CLCA1: variants seen among roughly 807,000 people sequenced by gnomAD.
The protein encoded by CLCA1 is calcium-activated chloride channel regulator 1.
Under a neutral mutation model 85.6 loss-of-function variants are expected in CLCA1, and 59 were observed. That is an observed-to-expected ratio of 0.69 (90% CI 0.56 to 0.86). The LOEUF (loss-of-function observed/expected upper bound fraction) is 0.86, where lower values mean the gene tolerates loss of function less well. Among genes scored for constraint, CLCA1 ranks in the 40% least tolerant of loss-of-function variants. The probability of loss-of-function intolerance (pLI) is 0.00; values close to 1 mark genes in which losing one functional copy is unlikely to be tolerated. For synonymous variants in CLCA1, 396 were observed against 398.3 expected, an observed-to-expected ratio of 0.99 and a Z score of 0.07; for missense variants, 1,022 against 1,101.4, an observed-to-expected ratio of 0.93 and a Z score of 1.02.
chr1:86,490,003 G>T (rs1648093303), intron 8 of CLCA1, among the ~76,000 whole-genome samples: 1 of 152,202 alleles, frequency 6.6e-6, no homozygotes, highest in Non-Finnish European at 1.5e-5. Context: ...GATAGGGCCA[G>T]GGAAGGAGCT....
At chr1:86,486,017 GGAGAGA>G (rs35497869) in intron 6 of CLCA1, among the ~76,000 whole-genome samples, 7 of 147,390 alleles carry the variant, frequency 4.7e-5, no homozygotes, top group Non-Finnish European at 7.5e-5. Context: ...CATGGCAGCA[GGAGAGA>G]GAGAGAGAGA....
rs945713266 is a variant in CLCA1 at position 86,473,747 on chromosome 1, G to A, written c.322G>A (p.Glu108Lys). 2 of 1,579,022 alleles carry A rather than the reference G, an allele frequency of 1.3e-6. No individual in the cohort carries two copies. Among genetic ancestry groups the A allele is most frequent in the Middle Eastern group, 1.7e-4 (1 of 5,916 alleles). Residue 108 changes from glutamate (E) to lysine (K), a missense_variant, in exon 3 of 14, where the codon GAG becomes AAG. Coordinates refer to ENST00000394711, the MANE Select transcript of CLCA1 (RefSeq NM_001285.4). ...ATTTCAGGCTGATGTTCTGGTTGCT[G>A]AGTCTACTCCTCCAGGTAATGATGA... ...TYKNADVLVA[E>K]STPPGNDEPY...
chr1:86,486,142 A>G (rs749229344), intron 6 of CLCA1, among the ~76,000 whole-genome samples: 1 of 152,100 alleles, frequency 6.6e-6, no homozygotes, highest in Non-Finnish European at 1.5e-5. Flanking sequence ...AACCACCTCC[A>G]TGTTCCTCCC....
chr1:86,478,187 G>T (rs1489135445), intron 4 of CLCA1, among the ~76,000 whole-genome samples: 1 of 152,102 alleles, frequency 6.6e-6, no homozygotes, highest in Non-Finnish European at 1.5e-5. Flanking sequence ...CCAGTACTTT[G>T]GGAGGCCGAG....
intron 11 of CLCA1, among the ~76,000 whole-genome samples, chr1:86,495,034 A>G (rs1161831601): frequency 7.7e-6 from 1 of 129,114 alleles, no homozygotes; most frequent in East Asian, 3.8e-4. Flanking sequence ...AGAATTCTAC[A>G]GTTTAAAAAA....
intron 1 of CLCA1, among the ~76,000 whole-genome samples, chr1:86,470,574 T>A (rs538314604): frequency 2.2e-4 from 34 of 152,346 alleles, no homozygotes; most frequent in African/African-American, 7.7e-4. Context: ...TACTTCATTG[T>A]CCTTGGAGGT....
At chr1:86,494,961 C>T (rs1175531127) in intron 11 of CLCA1, among the ~76,000 whole-genome samples, 1 of 150,952 alleles carries the variant, frequency 6.6e-6, no homozygotes, top group Non-Finnish European at 1.5e-5. Context: ...TAGCTTGCCC[C>T]AAAAGTGAAA....
intron 7 of CLCA1, among the ~76,000 whole-genome samples, chr1:86,487,775 A>C (rs1213960619): frequency 6.6e-6 from 1 of 152,182 alleles, no homozygotes; most frequent in Non-Finnish European, 1.5e-5. Context: ...TATACTCCTC[A>C]GCCTCTGTGG....
At position 86,473,830 on chromosome 1, in the gene CLCA1, T is replaced by G; in HGVS notation, c.405T>G (p.Thr135=). The G allele has an allele frequency of 6.2e-7, 1 of 1,612,002 alleles. No homozygotes were observed. Among genetic ancestry groups the G allele is most frequent in the Non-Finnish European group, 8.5e-7 (1 of 1,178,728 alleles). The change falls in exon 3 of 14, where the codon ACT becomes ACG. Residue 135 remains threonine, a synonymous_variant. Transcript: ENST00000394711. ...AGAAGGGTGAAAGGATCCACCTCAC[T>G]CCTGATTTCATTGCAGGAAAAAAGT... The part of the protein sequence containing the change: ...CGEKGERIHL[T]PDFIAGKKLA...
Position 86,473,403 on chromosome 1 carries a change from C to CT in CLCA1, c.163-9dup, listed in dbSNP as rs1191617330. 6.6e-7 allele frequency: 1 copy of CT among 1,513,508 alleles called. No homozygotes were observed. 93.8% of individuals were successfully genotyped at this position (1,513,508 alleles called of 1,614,324 possible). ...TTCAGTCAATTGTTACGTATGTTTT[C>CT]TTTTTCTTCCCAGGACATGGTGACC... On this transcript the variant is annotated splice_polypyrimidine_tract_variant and intron_variant, in intron 1 of 13. Transcript: ENST00000394711.
At position 86,498,730 on chromosome 1, in the gene CLCA1, G is replaced by T; in HGVS notation, c.2272G>T (p.Asp758Tyr). The T allele has an allele frequency of 6.2e-7, 1 of 1,614,042 alleles. No homozygotes were observed. The highest frequency in any genetic ancestry group is 8.5e-7 in the Non-Finnish European group (1 of 1,180,028). Residue 758 changes from aspartate (D) to tyrosine (Y), a missense_variant, in exon 13 of 14, where the codon GAC (aspartate) becomes TAC (tyrosine). Coordinates refer to ENST00000394711, the MANE Select transcript of CLCA1 (RefSeq NM_001285.4). ...PDLFPPGQIT[D>Y]LKAEIHGGSL... Reference sequence around the variant, plus strand: ...TCTCTTCCCACCTGGCCAAATCACCGACCTGAAGGCGGAAATTCACGGGGG... The same window carrying T: ...TCTCTTCCCACCTGGCCAAATCACCTACCTGAAGGCGGAAATTCACGGGGG...
intron 12 of CLCA1, among the ~76,000 whole-genome samples, chr1:86,497,893 A>C (rs1020802037): frequency 6.6e-6 from 1 of 152,198 alleles, no homozygotes; most frequent in African/African-American, 2.4e-5. Context: ...CTGTAATCCC[A>C]GCACTTTGGG....
At position 86,493,550 on chromosome 1, in the gene CLCA1, T is replaced by G; in HGVS notation, c.1631T>G (p.Val544Gly). The change falls in exon 10 of 14, where the codon GTG becomes GGG. Residue 544 changes from valine to glycine, a missense_variant. Transcript: ENST00000394711. Reference sequence around the variant, plus strand: ...GGACAGAAGCAAGGTGGCTTTGTAGTGGACAAAAACACCAAAATGGCCTAC... The same window carrying G: ...GGACAGAAGCAAGGTGGCTTTGTAGGGGACAAAAACACCAAAATGGCCTAC... ...PSGQKQGGFV[V>G]DKNTKMAYLQ... 1 of 1,614,134 alleles carries G rather than the reference T, an allele frequency of 6.2e-7. No homozygotes were observed. Among genetic ancestry groups the G allele is most frequent in the Non-Finnish European group, 8.5e-7 (1 of 1,180,002 alleles).
intron 5 of CLCA1, among the ~76,000 whole-genome samples, chr1:86,483,396 G>C (rs1044155602): frequency 6.6e-6 from 1 of 152,048 alleles, no homozygotes; most frequent in African/African-American, 2.4e-5. Flanking sequence ...AGAGAAAAAT[G>C]TTGTACAACT....
At chr1:86,488,820 A>C (rs1418459078) in intron 7 of CLCA1, among the ~76,000 whole-genome samples, 176 bp from the exon 8 acceptor site, 1 of 152,204 alleles carries the variant, frequency 6.6e-6, no homozygotes, top group African/African-American at 2.4e-5. Flanking sequence ...GTCAAGTTCC[A>C]TGAATGCTGC....
intron 5 of CLCA1, among the ~76,000 whole-genome samples, chr1:86,484,346 G>A (rs1647904092): frequency 6.6e-6 from 1 of 152,220 alleles, no homozygotes; most frequent in Admixed American, 6.5e-5. Context: ...TGAAGGTAGA[G>A]TTTACAACGT....
At position 86,473,794 on chromosome 1, in the gene CLCA1, C is replaced by T. The variant is rs778705417; in HGVS notation, c.369C>T (p.Gly123=). The change falls in exon 3 of 14, where the codon GGC becomes GGT. Residue 123 remains glycine, a synonymous_variant. Coordinates refer to ENST00000394711, the MANE Select transcript of CLCA1 (RefSeq NM_001285.4). ...GNDEPYTEQM[G]NCGEKGERIH... is the part of the protein sequence containing the mutation. The stretch of plus-strand genomic sequence containing the variant: ...ATGAACCCTACACTGAGCAGATGGG[C>T]AACTGTGGAGAGAAGGGTGAAAGGA... The T allele has an allele frequency of 1.1e-5, 17 of 1,612,462 alleles. No individual in the cohort carries two copies. In the East Asian group the frequency reaches 3.6e-4, roughly 34 times the overall value.
At chr1:86,483,330 C>A (rs1647870342) in intron 5 of CLCA1, among the ~76,000 whole-genome samples, 1 of 152,060 alleles carries the variant, frequency 6.6e-6, no homozygotes, top group Admixed American at 6.6e-5. Flanking sequence ...TAAAAAGTAT[C>A]CATATTGATA....
intron 3 of CLCA1, among the ~76,000 whole-genome samples, chr1:86,475,706 G>T (rs543089567): frequency 2.0e-5 from 3 of 152,226 alleles, no homozygotes; most frequent in African/African-American, 7.2e-5. Flanking sequence ...CCAAGCTAAG[G>T]AAACATAGGT....
Sources: gnomAD v4.1 joint callset for allele counts (sites outside exome capture counted in the v4.1 genomes callset) on GRCh38, gnomAD v4.1.1 for gene constraint, MANE v1.5 for transcripts, NCBI Gene and HGNC (gene_info 2026-07-23, HGNC 2026-07-21) for gene names.